Variants in TRAPPC12 observed in about 807,000 individuals in gnomAD.
TRAPPC12 encodes trafficking protein particle complex subunit 12.
In TRAPPC12, 61 loss-of-function variants were observed where a neutral mutation model predicts 69.2. That is an observed-to-expected ratio of 0.88 (90% CI 0.72 to 1.09). The LOEUF is 1.09. TRAPPC12 is among the 50% of genes least tolerant of loss of function. TRAPPC12 has a pLI of 0.00. For missense variants in TRAPPC12, 1,101 were observed against 1,016.4 expected, an observed-to-expected ratio of 1.08 and a Z score of -1.13; for synonymous variants, 469 against 438.9, an observed-to-expected ratio of 1.07 and a Z score of -0.86.
At chr2:3,459,621 G>C (rs1047765900) in intron 7 of TRAPPC12, among the ~76,000 whole-genome samples, 2 of 152,208 alleles carry the variant, frequency 1.3e-5, no homozygotes, top group Non-Finnish European at 2.9e-5. Context: ...AGGGAGGGAC[G>C]GGCCAGGCTC....
rs1660626295 is a variant in TRAPPC12 at position 3,388,431 on chromosome 2, G to A, written c.808G>A (p.Ala270Thr). 4 of 1,606,776 alleles carry A rather than the reference G, an allele frequency of 2.5e-6. No homozygotes were observed. The South Asian group carries it at 3.3e-5, about 13-fold the overall frequency. Residue 270 changes from alanine (A) to threonine (T), a missense_variant, in exon 2 of 12, where the codon GCA (alanine) becomes ACA (threonine). Ala to Thr is a moderately conservative substitution (Grantham distance 58, BLOSUM62 0). Coordinates refer to ENST00000324266, the MANE Select transcript of TRAPPC12 (RefSeq NM_016030.6). ...PEPVAMRGPQ[A>T]AAPPASPEPF... is the part of the protein sequence containing the mutation. The stretch of plus-strand genomic sequence containing the variant: ...ACCCGTGGCCATGCGAGGGCCCCAG[G>A]CAGCTGCGCCCCCGGCGTCGCCAGA...
At chr2:3,395,057 TG>T (rs1661044507) in intron 2 of TRAPPC12, among the ~76,000 whole-genome samples, 1 of 152,220 alleles carries the variant, frequency 6.6e-6, no homozygotes. Context: ...GTATACTTTC[TG>T]GGGCTTACGA....
intron 1 of TRAPPC12, among the ~76,000 whole-genome samples, chr2:3,383,539 T>C (rs1660326310): frequency 6.6e-6 from 1 of 151,558 alleles, no homozygotes; most frequent in Non-Finnish European, 1.5e-5. Flanking sequence ...GCAGAGTAGC[T>C]GGGATTACAG....
At chr2:3,476,112 G>A (rs1377324125) in intron 9 of TRAPPC12, among the ~76,000 whole-genome samples, 3 of 152,198 alleles carry the variant, frequency 2.0e-5, no homozygotes, top group Non-Finnish European at 2.9e-5. Flanking sequence ...GACGGGCAGC[G>A]ATGGACAGAT....
Position 3,388,360 on chromosome 2 carries a change from C to A in TRAPPC12, c.737C>A (p.Ala246Asp), listed in dbSNP as rs780920005. The A allele has an allele frequency of 6.3e-7, 1 of 1,595,812 alleles. No individual in the cohort carries two copies. Among genetic ancestry groups the A allele is most frequent in the Non-Finnish European group, 8.5e-7 (1 of 1,172,338 alleles). ...CCCGGCGCGGGCTCCCCGGCCCCCG[C>A]CAGCCCGCCTCCCCTCGCTGTGCCC... ...SNPGAGSPAPASPPPLAVPGT... is the reference protein window; with the variant it reads ...SNPGAGSPAPDSPPPLAVPGT... Residue 246 changes from alanine to aspartate, a missense_variant, in exon 2 of 12, where the codon GCC becomes GAC. Ala to Asp is a moderately radical substitution (Grantham distance 126, BLOSUM62 -2). Transcript: ENST00000324266.
At chr2:3,441,843 A>C (rs1664229018) in intron 5 of TRAPPC12, among the ~76,000 whole-genome samples, 1 of 152,126 alleles carries the variant, frequency 6.6e-6, no homozygotes, top group Non-Finnish European at 1.5e-5. Context: ...GCTTCCTCTC[A>C]GCACTGCTTT....
At chr2:3,385,044 G>A (rs1660430773) in intron 1 of TRAPPC12, among the ~76,000 whole-genome samples, 1 of 152,084 alleles carries the variant, frequency 6.6e-6, no homozygotes, top group Admixed American at 6.5e-5. Flanking sequence ...AAGCTATTTT[G>A]CTACAAATTA....
intron 3 of TRAPPC12, among the ~76,000 whole-genome samples, chr2:3,408,543 C>A (rs1179516073): frequency 6.6e-6 from 1 of 152,092 alleles, no homozygotes; most frequent in Non-Finnish European, 1.5e-5. Context: ...AGGAGGATCA[C>A]CTGAGCCTTG....
chr2:3,387,951 C>A lies in TRAPPC12; in HGVS notation c.328C>A (p.Pro110Thr). Reference protein sequence around the residue: ...PGPEPAGTPSPSGEADGDCAP... With the variant: ...PGPEPAGTPSTSGEADGDCAP... ...CCCGGAGCCCGCGGGCACCCCGAGT[C>A]CCAGCGGCGAGGCCGACGGCGACTG... Residue 110 changes from proline to threonine, a missense_variant, in exon 2 of 12, where the codon CCC becomes ACC. Physicochemically the swap from Pro to Thr is conservative, Grantham distance 38 (BLOSUM62 -1). Coordinates refer to ENST00000324266, the MANE Select transcript of TRAPPC12 (RefSeq NM_016030.6). 2 of 1,491,692 alleles carry A rather than the reference C, an allele frequency of 1.3e-6. No homozygotes were observed. The highest frequency in any genetic ancestry group is 2.4e-5 in the Admixed American group (1 of 41,444). The allele number at this position is 1,491,692 out of a possible 1,614,324, so 92.4% of individuals were successfully genotyped here.
intron 6 of TRAPPC12, among the ~76,000 whole-genome samples, chr2:3,453,590 A>G (rs1391409030): frequency 1.3e-5 from 2 of 152,190 alleles, no homozygotes; most frequent in Non-Finnish European, 2.9e-5. Flanking sequence ...TACTCCTCAG[A>G]GCCTCTTCCC....
intron 3 of TRAPPC12, among the ~76,000 whole-genome samples, chr2:3,411,658 T>C (rs767573296): frequency 8.5e-5 from 13 of 152,240 alleles, no homozygotes; most frequent in Non-Finnish European, 1.5e-4. Flanking sequence ...ATTATATATT[T>C]AGCATTTCCC....
chr2:3,384,864 A>T (rs1170929979), intron 1 of TRAPPC12, among the ~76,000 whole-genome samples: 4 of 152,206 alleles, frequency 2.6e-5, no homozygotes, highest in Non-Finnish European at 5.9e-5. Flanking sequence ...ATTCACTGGT[A>T]AACCCTCTGG....
intron 3 of TRAPPC12, among the ~76,000 whole-genome samples, chr2:3,419,244 C>A (rs1412984821): frequency 6.6e-6 from 1 of 152,196 alleles, no homozygotes; most frequent in African/African-American, 2.4e-5. Context: ...TTAGTTGCCC[C>A]TGGATACAGA....
intron 5 of TRAPPC12, among the ~76,000 whole-genome samples, chr2:3,426,113 C>G (rs1332541143): frequency 6.6e-6 from 1 of 152,152 alleles, no homozygotes; most frequent in African/African-American, 2.4e-5. Context: ...AGATTTTTAT[C>G]ATTTTTAGTA....
At chr2:3,467,321 C>G (rs1023293236) in intron 9 of TRAPPC12, 1 of 152,108 alleles carries the variant, frequency 6.6e-6, no homozygotes, top group African/African-American at 2.4e-5. Context: ...ACCGACGCCC[C>G]ACACAAGTGC....
At chr2:3,434,385 T>A (rs749628493) in intron 5 of TRAPPC12, among the ~76,000 whole-genome samples, 3 of 152,224 alleles carry the variant, frequency 2.0e-5, no homozygotes, top group Non-Finnish European at 4.4e-5. Context: ...TTCCCTACAT[T>A]TTTCTCTTTC....
rs927866269 is a variant in TRAPPC12, at chr2:3,388,544, C to G, written c.921C>G (p.Asn307Lys). Residue 307 changes from asparagine (N) to lysine (K), a missense_variant, in exon 2 of 12, where the codon AAC becomes AAG. Asn to Lys is a moderately conservative substitution (Grantham distance 94). Transcript: ENST00000324266. ...GCATGAGCGAGATGGACCGGAGGAACGACGCCTGGCTTCCCGGCGAGGCTA... is the reference window on the plus strand; with the variant it reads ...GCATGAGCGAGATGGACCGGAGGAAGGACGCCTGGCTTCCCGGCGAGGCTA... ...ALSMSEMDRR[N>K]DAWLPGEATR... 6.2e-7 allele frequency: 1 copy of G among 1,613,086 alleles called. No individual in the cohort carries two copies. The highest frequency in any genetic ancestry group is 8.5e-7 in the Non-Finnish European group (1 of 1,179,742).
intron 3 of TRAPPC12, among the ~76,000 whole-genome samples, chr2:3,417,016 C>G (rs1167018192): frequency 6.6e-6 from 1 of 151,926 alleles, no homozygotes; most frequent in Non-Finnish European, 1.5e-5. Context: ...CCTTCCTCTC[C>G]CTCTCTGGGT....
chr2:3,443,392 A>G (rs1282583688), intron 5 of TRAPPC12, among the ~76,000 whole-genome samples: 1 of 152,246 alleles, frequency 6.6e-6, no homozygotes, highest in Non-Finnish European at 1.5e-5. Context: ...AACCCAAGCT[A>G]AGCAACCTAC....
Sources: allele counts gnomAD v4.1 joint callset (sites outside exome capture counted in the v4.1 genomes callset), GRCh38; gene constraint gnomAD v4.1.1; transcripts MANE v1.5; gene names NCBI Gene and HGNC (gene_info 2026-07-23, HGNC 2026-07-21).